Variants in RPS6KA2 observed in about 807,000 individuals in gnomAD.
RPS6KA2 encodes ribosomal protein S6 kinase A2.
RPS6KA2 carries 42 observed loss-of-function variants against 91.8 expected under a neutral mutation model. The ratio of observed to expected loss-of-function variants is 0.46; its 90% CI spans 0.36 to 0.59. RPS6KA2 has a LOEUF of 0.59. Ranked by LOEUF, RPS6KA2 falls within the 20% of genes least tolerant of loss-of-function variation. The pLI, the probability that RPS6KA2 is intolerant of heterozygous loss-of-function variation, is 0.00. For synonymous variants in RPS6KA2, 414 were observed against 393.6 expected (o/e 1.05, Z -0.61); for missense variants, 798 against 978.5 (o/e 0.82, Z 2.46).
At chr6:166,659,659 T>A (rs1582994615) in intron 2 of RPS6KA2, among the ~76,000 whole-genome samples, 1 of 152,144 alleles carries the variant, frequency 6.6e-6, no homozygotes, top group Non-Finnish European at 1.5e-5. Context: ...AACTCAGAGC[T>A]GGGGGAGTCT....
Position 166,452,839 on chromosome 6 carries a change from C to A in RPS6KA2, c.1076-1606G>T, listed in dbSNP as rs148324660. On this transcript the variant is annotated intron_variant, in intron 12 of 20. Coordinates refer to ENST00000265678, the MANE Select transcript of RPS6KA2 (RefSeq NM_021135.6). The stretch of plus-strand genomic sequence containing the variant: ...GACTTAAGTGATGAAAGACCTGAAA[C>A]AATGAAAATACTAGAATAAATCCTA... Among the ~76,000 whole-genome samples, 605 of 152,232 alleles carry A rather than the reference C, an allele frequency of 4.0e-3. 3 individuals are homozygous for A. The highest frequency in any genetic ancestry group is 0.014 in the African/African-American group (571 of 41,534).
At chr6:166,571,126 G>A (rs1181689251) in intron 1 of RPS6KA2, among the ~76,000 whole-genome samples, 2 of 152,222 alleles carry the variant, frequency 1.3e-5, no homozygotes, top group East Asian at 1.9e-4. Flanking sequence ...GGCCGGCCCC[G>A]CATGCCCAGC....
At chr6:166,701,345 G>T (rs1430839719) in intron 2 of RPS6KA2, 13 of 1,528,264 alleles carry the variant, frequency 8.5e-6, no homozygotes, top group East Asian at 2.2e-5. Context: ...AGCAGCAAAG[G>T]ATGGCACTCT....
chr6:166,679,990 G>A (rs967847089), intron 2 of RPS6KA2, among the ~76,000 whole-genome samples: 6 of 152,246 alleles, frequency 3.9e-5, no homozygotes, highest in African/African-American at 1.4e-4. Flanking sequence ...GATGGGTGGG[G>A]ACTTGGAGAA....
chr6:166,478,952 G>A (rs553296292), intron 10 of RPS6KA2, among the ~76,000 whole-genome samples: 2 of 152,324 alleles, frequency 1.3e-5, no homozygotes, highest in Admixed American at 6.5e-5. Flanking sequence ...GGCCCACACG[G>A]CCAGGAAGGG....
At chr6:166,818,908 T>C (rs1026395264) in intron 2 of RPS6KA2, among the ~76,000 whole-genome samples, 3 of 151,952 alleles carry the variant, frequency 2.0e-5, no homozygotes, top group Non-Finnish European at 2.9e-5. Flanking sequence ...TGTCGCCTGC[T>C]CCAGACCTGG....
intron 2 of RPS6KA2, among the ~76,000 whole-genome samples, chr6:166,762,901 G>A (rs553839809): frequency 4.6e-5 from 7 of 152,300 alleles, no homozygotes; most frequent in East Asian, 3.9e-4. Context: ...TCAAAGAAAC[G>A]GTTTCACATG....
At chr6:166,655,760 C>G (rs1385959721) in intron 2 of RPS6KA2, among the ~76,000 whole-genome samples, 1 of 152,226 alleles carries the variant, frequency 6.6e-6, no homozygotes, top group Non-Finnish European at 1.5e-5. Context: ...GACTCCCACA[C>G]TGGGCTGGCG....
intron 2 of RPS6KA2, chr6:166,701,285 A>G: frequency 2.5e-6 from 4 of 1,611,712 alleles, no homozygotes; most frequent in Non-Finnish European, 3.4e-6. Context: ...TCTGCACTTG[A>G]CAAATTCTGA....
intron 2 of RPS6KA2, among the ~76,000 whole-genome samples, chr6:166,812,733 C>T (rs1562452619): frequency 1.3e-5 from 2 of 152,216 alleles, no homozygotes; most frequent in Admixed American, 6.5e-5. Flanking sequence ...TAAGAACCTA[C>T]TTATTTGCAT....
intron 2 of RPS6KA2, among the ~76,000 whole-genome samples, chr6:166,761,947 G>C (rs1335549046): frequency 6.6e-6 from 1 of 152,182 alleles, no homozygotes; most frequent in African/African-American, 2.4e-5. Flanking sequence ...CTCCAGATGG[G>C]GCAGCCTCGT....
chr6:166,790,995 C>A (rs375186982), intron 2 of RPS6KA2, among the ~76,000 whole-genome samples: 1 of 152,002 alleles, frequency 6.6e-6, no homozygotes, highest in African/African-American at 2.4e-5. Context: ...AATGACAGGA[C>A]CAAATTCACA....
intron 2 of RPS6KA2, among the ~76,000 whole-genome samples, chr6:166,789,464 A>G (rs1453432310): frequency 1.3e-5 from 2 of 152,268 alleles, no homozygotes; most frequent in Non-Finnish European, 2.9e-5. Flanking sequence ...AAAAGACAGC[A>G]GTAACCTCTG....
chr6:166,659,670 G>A (rs1270794331), intron 2 of RPS6KA2, among the ~76,000 whole-genome samples: 1 of 152,234 alleles, frequency 6.6e-6, no homozygotes, highest in African/African-American at 2.4e-5. Flanking sequence ...GGGGGAGTCT[G>A]TAGTTATTTT....
chr6:166,771,002 T>C (rs1778456447), intron 2 of RPS6KA2: 1 of 1,101,062 alleles, frequency 9.1e-7, no homozygotes. Context: ...ATTACTACCA[T>C]ACTCACCAGG....
chr6:166,488,944 A>G (rs761240688), intron 9 of RPS6KA2, 23 bp from the exon 10 acceptor site: 1 of 1,596,248 alleles, frequency 6.3e-7, no homozygotes, highest in South Asian at 1.1e-5. Flanking sequence ...ATCCTATTTT[A>G]GGATCTATTT....
intron 3 of RPS6KA2, among the ~76,000 whole-genome samples, chr6:166,515,074 A>C (rs1178224906): frequency 6.6e-6 from 1 of 152,190 alleles, no homozygotes; most frequent in African/African-American, 2.4e-5. Flanking sequence ...ATGAGAGTAG[A>C]ACCATGGTGA....
chr6:166,654,930 C>T (rs956454998), intron 2 of RPS6KA2, among the ~76,000 whole-genome samples: 2 of 151,584 alleles, frequency 1.3e-5, no homozygotes, highest in South Asian at 4.2e-4. Flanking sequence ...CAACCTTTCC[C>T]CTCATGGCTT....
chr6:166,673,642 G>C (rs190422949), intron 2 of RPS6KA2, among the ~76,000 whole-genome samples: 1 of 152,358 alleles, frequency 6.6e-6, no homozygotes, highest in Admixed American at 6.5e-5. Flanking sequence ...TGTCCAAAGC[G>C]CAGCCTGCAG....
Sources: gnomAD v4.1 joint callset for allele counts (sites outside exome capture counted in the v4.1 genomes callset) on GRCh38, gnomAD v4.1.1 for gene constraint, MANE v1.5 for transcripts, NCBI Gene and HGNC (gene_info 2026-07-23, HGNC 2026-07-21) for gene names.